DLGAP1: variants seen among roughly 807,000 people sequenced by gnomAD.
DLGAP1 encodes disks large-associated protein 1.
Under a neutral mutation model 90.8 loss-of-function variants are expected in DLGAP1, and 11 were observed. That is an observed-to-expected ratio of 0.12 (90% CI 0.08 to 0.20). The LOEUF (loss-of-function observed/expected upper bound fraction) is 0.20. Ranked by LOEUF, DLGAP1 falls within the 10% of genes least tolerant of loss-of-function variation. The probability of loss-of-function intolerance (pLI) is 1.00; values close to 1 mark genes in which losing one functional copy is unlikely to be tolerated. For synonymous variants in DLGAP1, 558 were observed against 540.7 expected, an observed-to-expected ratio of 1.03 and a Z score of -0.44; for missense variants, 1,050 against 1,333.8, an observed-to-expected ratio of 0.79 and a Z score of 3.31.
chr18:3,982,820 G>A (rs1286239482), intron 3 of DLGAP1, among the ~76,000 whole-genome samples: 1 of 152,134 alleles, frequency 6.6e-6, no homozygotes, highest in African/African-American at 2.4e-5. Context: ...AATTTGAATT[G>A]AGAATGTGAT....
chr18:4,041,528 A>G (rs1282766569), intron 2 of DLGAP1, among the ~76,000 whole-genome samples: 1 of 152,216 alleles, frequency 6.6e-6, no homozygotes, highest in Non-Finnish European at 1.5e-5. Flanking sequence ...ACTTAAAAGT[A>G]TCTTCTGTAT....
chr18:4,242,785 T>C (rs1393820297), intron 1 of DLGAP1, among the ~76,000 whole-genome samples: 1 of 151,810 alleles, frequency 6.6e-6, no homozygotes, highest in Non-Finnish European at 1.5e-5. Flanking sequence ...GCAGTACACA[T>C]AAAGGTGAGA....
intron 7 of DLGAP1, chr18:3,608,235 T>G (rs1351939506): frequency 6.6e-6 from 1 of 151,730 alleles, no homozygotes; most frequent in Non-Finnish European, 1.5e-5. Context: ...GGCAGGAGAA[T>G]TGCCTGAATC....
chr18:4,252,192 C>T (rs1436636906), intron 1 of DLGAP1, among the ~76,000 whole-genome samples: 3 of 152,286 alleles, frequency 2.0e-5, no homozygotes, highest in Non-Finnish European at 4.4e-5. Flanking sequence ...GTCTGCAAAT[C>T]AGGAGAGTTT....
At position 3,499,155 on chromosome 18, in the gene DLGAP1, C is replaced by T; in HGVS notation, c.*30G>A. On this transcript the variant is annotated 3_prime_UTR_variant, in exon 13 of 13. Coordinates refer to ENST00000315677, the MANE Select transcript of DLGAP1 (RefSeq NM_004746.4). This position sits in a 1 kb window ranked among gnomAD's most constrained non-coding sequence, Gnocchi z 6.4. The stretch of plus-strand genomic sequence containing the variant: ...CGGCCGGGGGAGGAGGGGACAGATG[C>T]TTGGCGGCGGCGGCCGGGCTGCGGG... 6 of 1,521,374 alleles carry T rather than the reference C, an allele frequency of 3.9e-6. No individual in the cohort carries two copies. The highest frequency in any genetic ancestry group is 5.3e-6 in the Non-Finnish European group (6 of 1,141,510). The allele number at this position is 1,521,374 out of a possible 1,614,324, so 94.2% of individuals were successfully genotyped here.
At chr18:4,108,415 T>C (rs1250247346) in intron 2 of DLGAP1, among the ~76,000 whole-genome samples, 3 of 152,180 alleles carry the variant, frequency 2.0e-5, no homozygotes, top group South Asian at 2.1e-4. Context: ...GTAAAATTTA[T>C]ATTAAATAAG....
chr18:3,555,209 T>C (rs933423426), intron 9 of DLGAP1, among the ~76,000 whole-genome samples: 1 of 152,182 alleles, frequency 6.6e-6, no homozygotes, highest in Non-Finnish European at 1.5e-5. Flanking sequence ...TGGATTTCTT[T>C]TGGAGAGGTT....
At chr18:3,600,532 G>A (rs2056834271) in intron 7 of DLGAP1, among the ~76,000 whole-genome samples, 1 of 151,622 alleles carries the variant, frequency 6.6e-6, no homozygotes, top group African/African-American at 2.4e-5. Flanking sequence ...CACCGTGCCT[G>A]GCCAGAAACA....
At chr18:3,778,882 T>C (rs1334699562) in intron 5 of DLGAP1, among the ~76,000 whole-genome samples, 1 of 152,140 alleles carries the variant, frequency 6.6e-6, no homozygotes, top group Non-Finnish European at 1.5e-5. Context: ...CCTCTCTCCT[T>C]GGCCCCAGCC....
At chr18:4,195,432 A>G (rs1216919030) in intron 1 of DLGAP1, among the ~76,000 whole-genome samples, 1 of 152,202 alleles carries the variant, frequency 6.6e-6, no homozygotes, top group Non-Finnish European at 1.5e-5. Context: ...GTCAGCCCCA[A>G]TTGTCTTGCT....
chr18:4,011,045 G>A (rs761867556), intron 2 of DLGAP1, among the ~76,000 whole-genome samples: 20 of 151,652 alleles, frequency 1.3e-4, no homozygotes, highest in Non-Finnish European at 2.5e-4. Context: ...TCGTGGTAAT[G>A]TGCCCCTGTA....
intron 1 of DLGAP1, among the ~76,000 whole-genome samples, chr18:4,375,038 T>C (rs150341685): frequency 9.9e-5 from 15 of 152,270 alleles, no homozygotes; most frequent in African/African-American, 3.6e-4. Context: ...TAATGCATAA[T>C]TCACATAAAT....
At chr18:3,962,259 C>T (rs543093684) in intron 3 of DLGAP1, 8 of 152,238 alleles carry the variant, frequency 5.3e-5, no homozygotes, top group African/African-American at 1.7e-4. Flanking sequence ...AGGACGTCAT[C>T]GGGTAAACTT....
intron 5 of DLGAP1, among the ~76,000 whole-genome samples, chr18:3,764,062 A>T (rs2064101171): frequency 6.6e-6 from 1 of 152,122 alleles, no homozygotes; most frequent in African/African-American, 2.4e-5. Context: ...CAAAACCACA[A>T]TTTACTGAGT....
chr18:3,709,094 GA>G (rs962969078), intron 7 of DLGAP1, among the ~76,000 whole-genome samples: 2 of 152,134 alleles, frequency 1.3e-5, no homozygotes, highest in African/African-American at 4.8e-5. Context: ...TACAACCGTG[GA>G]AAAAACATAG....
chr18:3,803,185 C>A (rs914360987), intron 5 of DLGAP1, among the ~76,000 whole-genome samples: 1 of 152,072 alleles, frequency 6.6e-6, no homozygotes, highest in African/African-American at 2.4e-5. Flanking sequence ...TCTCATTGGA[C>A]GACTGGACCC....
At chr18:4,318,721 A>T (rs534014013) in intron 1 of DLGAP1, among the ~76,000 whole-genome samples, 12 of 152,322 alleles carry the variant, frequency 7.9e-5, no homozygotes, top group African/African-American at 2.2e-4. Context: ...ATATTTCAAT[A>T]AAAAAACTCA....
chr18:3,816,606 C>T (rs1312501172), intron 4 of DLGAP1, among the ~76,000 whole-genome samples: 1 of 152,210 alleles, frequency 6.6e-6, no homozygotes, highest in Non-Finnish European at 1.5e-5. Context: ...TTATATTGTG[C>T]TCCTGTGTGC....
chr18:4,399,109 C>A (rs759326178), intron 1 of DLGAP1, among the ~76,000 whole-genome samples: 1 of 152,146 alleles, frequency 6.6e-6, no homozygotes, highest in African/African-American at 2.4e-5. Flanking sequence ...GGATTACAGG[C>A]GTGAGCCACC....
Sources: allele counts gnomAD v4.1 joint callset (sites outside exome capture counted in the v4.1 genomes callset), GRCh38; gene constraint gnomAD v4.1.1; non-coding constraint Gnocchi (gnomAD v3.1); transcripts MANE v1.5; gene names NCBI Gene and HGNC (gene_info 2026-07-23, HGNC 2026-07-21).